Variants in OSBPL9 observed in about 807,000 individuals in gnomAD.
The protein encoded by OSBPL9 is oxysterol-binding protein-related protein 9.
OSBPL9 carries 40 observed loss-of-function variants against 106.6 expected under a neutral mutation model. The observed-to-expected ratio is 0.38, with a 90% CI of 0.29 to 0.49. The LOEUF (loss-of-function observed/expected upper bound fraction) is 0.49, where lower values mean the gene tolerates loss of function less well. OSBPL9 is among the 20% of genes least tolerant of loss of function. OSBPL9 has a pLI of 0.97. For missense variants in OSBPL9, 609 were observed against 887.2 expected, an observed-to-expected ratio of 0.69 and a Z score of 3.98; for synonymous variants, 269 against 295.4, an observed-to-expected ratio of 0.91 and a Z score of 0.92.
the OSBPL9 span, chr1:51,569,485 C>T: frequency 6.6e-6 from 1 of 151,994 alleles, no homozygotes; most frequent in Non-Finnish European, 1.5e-5. Flanking sequence ...GCGTTTTCAA[C>T]AACTACAGTG....
At chr1:51,748,278 G>C in intron 6 of OSBPL9, 91 bp from the exon 7 acceptor site, 5 of 1,430,068 alleles carry the variant, frequency 3.5e-6, no homozygotes, top group Non-Finnish European at 4.6e-6. Flanking sequence ...AGTACATTTT[G>C]GTAAAATTCT....
At chr1:51,696,378 G>T (rs1042781603) in intron 3 of OSBPL9, among the ~76,000 whole-genome samples, 4 of 152,126 alleles carry the variant, frequency 2.6e-5, no homozygotes, top group African/African-American at 9.7e-5. Flanking sequence ...CCCTGACTCA[G>T]TGACTGAGCA....
chr1:51,588,478 G>C (rs188236032), intron 1 of OSBPL9, among the ~76,000 whole-genome samples: 8 of 152,232 alleles, frequency 5.3e-5, no homozygotes, highest in Admixed American at 5.2e-4. Context: ...GGGCCACATA[G>C]CAAGACCCCT....
At chr1:51,609,342 CTTT>C (rs1212729230) in intron 2 of OSBPL9, among the ~76,000 whole-genome samples, 8 of 138,214 alleles carry the variant, frequency 5.8e-5, no homozygotes, top group Non-Finnish European at 6.3e-5. Context: ...CTTCTCTCTC[CTTT>C]TTTTTTTTTT....
intron 11 of OSBPL9, among the ~76,000 whole-genome samples, chr1:51,763,003 A>G (rs1671845228): frequency 1.3e-5 from 2 of 151,884 alleles, no homozygotes; most frequent in Middle Eastern, 3.4e-3. Context: ...TGTTTGTTTA[A>G]ACGTTTTGTT....
chr1:51,632,901 C>T (rs549801469), intron 1 of OSBPL9, among the ~76,000 whole-genome samples: 15 of 151,794 alleles, frequency 9.9e-5, no homozygotes, highest in African/African-American at 3.1e-4. Flanking sequence ...TTTTGGAAAC[C>T]CATGTATTTT....
At chr1:51,629,497 G>C (rs78561533) in intron 1 of OSBPL9, among the ~76,000 whole-genome samples, 1,935 of 152,230 alleles carry the variant, frequency 0.013, 41 homozygotes, top group African/African-American at 0.042. Context: ...CACAAACTTA[G>C]ATCATATAGT....
intron 17 of OSBPL9, among the ~76,000 whole-genome samples, chr1:51,783,271 C>T (rs1676811968): frequency 6.6e-6 from 1 of 152,028 alleles, no homozygotes; most frequent in African/African-American, 2.4e-5. Context: ...GCCTCCTGGG[C>T]TCACATGATC....
intron 1 of OSBPL9, among the ~76,000 whole-genome samples, chr1:51,648,148 T>C (rs1646287214): frequency 6.6e-6 from 1 of 152,302 alleles, no homozygotes; most frequent in East Asian, 1.9e-4. Flanking sequence ...TTTCAGAACA[T>C]TGGTAAGATA....
intron 11 of OSBPL9, among the ~76,000 whole-genome samples, chr1:51,763,642 T>C (rs1404858299): frequency 6.6e-6 from 1 of 152,216 alleles, no homozygotes; most frequent in African/African-American, 2.4e-5. Flanking sequence ...ATTACTTTGA[T>C]CTTTACTATT....
At chr1:51,697,632 G>A (rs1056090861) in intron 3 of OSBPL9, among the ~76,000 whole-genome samples, 4 of 151,522 alleles carry the variant, frequency 2.6e-5, no homozygotes, top group Admixed American at 2.0e-4. Flanking sequence ...GTTTTAGAAA[G>A]TTGTCCTAAA....
upstream of OSBPL9, among the ~76,000 whole-genome samples, chr1:51,612,152 C>G (rs116558410): frequency 0.042 from 6,350 of 152,226 alleles, 210 homozygotes; most frequent in Non-Finnish European, 0.058. Context: ...AATAAATATA[C>G]AGAATAGTAT....
intron 3 of OSBPL9, among the ~76,000 whole-genome samples, chr1:51,711,795 TC>T (rs1423946556): frequency 6.9e-6 from 1 of 145,220 alleles, no homozygotes; most frequent in African/African-American, 2.6e-5. Flanking sequence ...GCAGAGGCGC[TC>T]CCCACATCTC....
chr1:51,645,277 TCTTAA>T (rs542180544), intron 1 of OSBPL9, among the ~76,000 whole-genome samples: 82 of 152,324 alleles, frequency 5.4e-4, no homozygotes, highest in African/African-American at 1.7e-3. Context: ...GAAACTATCT[TCTTAA>T]CTTGATTTTC....
chr1:51,638,291 T>C (rs530900337), intron 1 of OSBPL9, among the ~76,000 whole-genome samples: 1 of 152,314 alleles, frequency 6.6e-6, no homozygotes, highest in South Asian at 2.1e-4. Context: ...TTCTCCATTA[T>C]TGTGAGTCTG....
At chr1:51,533,632 G>A in the OSBPL9 span, among the ~76,000 whole-genome samples, 4 of 152,060 alleles carry the variant, frequency 2.6e-5, no homozygotes, top group East Asian at 7.7e-4. Flanking sequence ...CATTTGAATC[G>A]AGCCTCAAAA....
intron 15 of OSBPL9, 28 bp downstream of exon 15, chr1:51,776,946 A>G (rs529746284): frequency 1.2e-5 from 19 of 1,524,010 alleles, no homozygotes; most frequent in South Asian, 1.1e-4. Context: ...GTAGTTTCCA[A>G]CGTTTACAGA....
chr1:51,754,278 T>A (rs1296987550), intron 8 of OSBPL9, among the ~76,000 whole-genome samples: 1 of 152,238 alleles, frequency 6.6e-6, no homozygotes, highest in African/African-American at 2.4e-5. Flanking sequence ...TAATTATCAC[T>A]GAAATTGGGA....
chr1:51,732,024 T>C (rs1664574745), intron 4 of OSBPL9, among the ~76,000 whole-genome samples: 1 of 152,218 alleles, frequency 6.6e-6, no homozygotes, highest in Non-Finnish European at 1.5e-5. Flanking sequence ...GTGAAATTTT[T>C]CAAATGTTTT....
Sources: gnomAD v4.1 joint callset for allele counts (sites outside exome capture counted in the v4.1 genomes callset) on GRCh38, gnomAD v4.1.1 for gene constraint, MANE v1.5 for transcripts, NCBI Gene and HGNC (gene_info 2026-07-23, HGNC 2026-07-21) for gene names.